The following ANO3 variants were observed in gnomAD, a reference collection of about 807,000 sequenced individuals.
The protein encoded by ANO3 is anoctamin-3.
A neutral mutation model predicts 144.8 loss-of-function variants in ANO3; 99 were observed. The ratio of observed to expected loss-of-function variants is 0.68; its 90% CI spans 0.58 to 0.81. The LOEUF is 0.81. Ranked by LOEUF, ANO3 falls within the 30% of genes least tolerant of loss-of-function variation. ANO3 has a pLI of 0.00. For synonymous variants in ANO3, 414 were observed against 392.6 expected, an observed-to-expected ratio of 1.05 and a Z score of -0.64; for missense variants, 905 against 1,202.2, an observed-to-expected ratio of 0.75 and a Z score of 3.66.
chr11:26,547,721 A>G (rs1467223791), intron 12 of ANO3, among the ~76,000 whole-genome samples, 171 bp downstream of exon 12: 1 of 151,922 alleles, frequency 6.6e-6, no homozygotes, highest in South Asian at 2.1e-4. Context: ...ACACAATTAT[A>G]AAAGGTCATT....
chr11:26,395,099 A>G (rs1432001314), intron 1 of ANO3, among the ~76,000 whole-genome samples: 1 of 152,156 alleles, frequency 6.6e-6, no homozygotes, highest in Non-Finnish European at 1.5e-5. Flanking sequence ...TGTTCAGCCA[A>G]CAATTTCTAA....
Position 26,525,674 on chromosome 11 carries a change from G to A in ANO3, c.732G>A (p.Met244Ile), listed in dbSNP as rs759237031. The A allele has an allele frequency of 2.5e-6, 4 of 1,609,248 alleles. No individual in the cohort carries two copies. Among genetic ancestry groups the A allele is most frequent in the African/African-American group, 1.3e-5 (1 of 74,756 alleles). Residue 244 changes from methionine to isoleucine, a missense_variant, in exon 7 of 27, where the codon ATG becomes ATA. This residue lies in a region of ANO3 where 71 missense variants were observed against 57.9 expected (regional missense o/e 1.23). Transcript: ENST00000256737. ...ACACTGACGGGAGGAGCAAATCAAT[G>A]GGCAGGTTGGTGGGTGATGAATCAT... Reference protein sequence around the residue: ...CYYTDGRSKSMGRMQTYFRRI... With the variant: ...CYYTDGRSKSIGRMQTYFRRI...
chr11:26,383,765 T>C (rs944550022), intron 1 of ANO3, among the ~76,000 whole-genome samples: 5 of 151,586 alleles, frequency 3.3e-5, no homozygotes, highest in Non-Finnish European at 7.4e-5. Context: ...CTTGTTCCAC[T>C]AAAACCGGCA....
upstream of ANO3, among the ~76,000 whole-genome samples, chr11:26,327,981 C>T (rs550321040): frequency 6.6e-6 from 1 of 152,348 alleles, no homozygotes; most frequent in South Asian, 2.1e-4. Context: ...TCTCTTGATG[C>T]TGTCTTCTTA....
intron 4 of ANO3, chr11:26,473,939 T>C (rs1859870254): frequency 1.0e-6 from 1 of 985,014 alleles, no homozygotes. Flanking sequence ...GAGAGTAGGC[T>C]AAAAACCCTC....
chr11:26,561,585 T>G (rs1035477779), intron 14 of ANO3, among the ~76,000 whole-genome samples: 5 of 139,392 alleles, frequency 3.6e-5, no homozygotes, highest in Non-Finnish European at 6.8e-5. Context: ...AATTTGTCAC[T>G]TCTGGTGTAA....
At chr11:26,288,449 G>T (rs1272034425) in intron 1 of ANO3, among the ~76,000 whole-genome samples, 1 of 152,108 alleles carries the variant, frequency 6.6e-6, no homozygotes, top group Admixed American at 6.5e-5. Flanking sequence ...TATAAATCTG[G>T]ACTCTTAAAT....
intron 25 of ANO3, 60 bp downstream of exon 25, chr11:26,656,265 T>G: frequency 6.6e-7 from 1 of 1,515,304 alleles, no homozygotes; most frequent in African/African-American, 1.4e-5. Flanking sequence ...CCCCCCTGCA[T>G]GTTAATGAGG....
At chr11:26,214,741 T>C (rs969880429) in intron 1 of ANO3, among the ~76,000 whole-genome samples, 1 of 151,952 alleles carries the variant, frequency 6.6e-6, no homozygotes, top group African/African-American at 2.4e-5. Flanking sequence ...AATGAACCAA[T>C]ATTGATATAT....
upstream of ANO3, among the ~76,000 whole-genome samples, chr11:26,327,476 G>A (rs117893420): frequency 6.6e-6 from 1 of 152,238 alleles, no homozygotes; most frequent in Non-Finnish European, 1.5e-5. Context: ...GCTCCCTGAA[G>A]GAGTTTTAGG....
At chr11:26,370,813 TG>T (rs1285071798) in intron 1 of ANO3, among the ~76,000 whole-genome samples, 1 of 152,186 alleles carries the variant, frequency 6.6e-6, no homozygotes, top group Admixed American at 6.5e-5. Flanking sequence ...CCTAGAGATC[TG>T]TGAAACTTTT....
At chr11:26,252,188 TACA>T (rs1290906097) in intron 1 of ANO3, among the ~76,000 whole-genome samples, 1 of 152,192 alleles carries the variant, frequency 6.6e-6, no homozygotes, top group African/African-American at 2.4e-5. Context: ...CGTTATTTAA[TACA>T]ACTTTTTTAA....
intron 5 of ANO3, among the ~76,000 whole-genome samples, chr11:26,515,003 A>C (rs1408238122): frequency 6.6e-6 from 1 of 151,968 alleles, no homozygotes. Flanking sequence ...TATTTGAATG[A>C]ATCAATAGTC....
At chr11:26,566,717 G>A (rs1396688841) in intron 14 of ANO3, among the ~76,000 whole-genome samples, 3 of 151,736 alleles carry the variant, frequency 2.0e-5, no homozygotes, top group East Asian at 1.9e-4. Flanking sequence ...ACATCATTCC[G>A]CCTCTTAAGT....
rs528504400 is a variant in ANO3, at chr11:26,572,151, C to A, written c.1447+12372C>A. 2.8e-5 allele frequency: 28 copies of A among 985,312 alleles called. No individual in the cohort carries two copies. The African/African-American group carries it at 4.7e-4, about 17-fold the overall frequency. 61.0% of individuals were successfully genotyped at this position (985,312 alleles called of 1,614,324 possible). On this transcript the variant is annotated intron_variant, in intron 14 of 26. Coordinates refer to ENST00000256737, the MANE Select transcript of ANO3 (RefSeq NM_031418.4). ...ACAGATGGGTTAAGTGTGACAATGTCGCACTGAGCAGGAGGGTGCCAGGGA... is the reference window on the plus strand; with the variant it reads ...ACAGATGGGTTAAGTGTGACAATGTAGCACTGAGCAGGAGGGTGCCAGGGA...
At chr11:26,544,297 C>CACACACACACAT (rs1289018080) in intron 11 of ANO3, among the ~76,000 whole-genome samples, 3 of 89,306 alleles carry the variant, frequency 3.4e-5, no homozygotes, top group Non-Finnish European at 7.5e-5. Context: ...CACACACACA[C>CACACACACACAT]ATATGTATAT....
intron 4 of ANO3, among the ~76,000 whole-genome samples, chr11:26,464,683 TG>T (rs1204857654): frequency 1.3e-5 from 2 of 151,796 alleles, no homozygotes; most frequent in Non-Finnish European, 2.9e-5. Context: ...GATAAGAGAA[TG>T]GTGTATGACT....
chr11:26,285,104 T>G (rs1853774603), intron 1 of ANO3, among the ~76,000 whole-genome samples: 4 of 152,192 alleles, frequency 2.6e-5, no homozygotes, highest in Admixed American at 2.6e-4. Context: ...ACAATTTTTT[T>G]TTTTAATTAT....
chr11:26,264,795 T>C (rs550364016), intron 1 of ANO3, among the ~76,000 whole-genome samples: 27 of 152,270 alleles, frequency 1.8e-4, no homozygotes, highest in African/African-American at 6.3e-4. Flanking sequence ...TCATTTTTTA[T>C]ATAAGACAAT....
Sources: allele counts gnomAD v4.1 joint callset (sites outside exome capture counted in the v4.1 genomes callset), GRCh38; gene constraint gnomAD v4.1.1; regional missense constraint gnomAD v4.1.1; transcripts MANE v1.5; gene names NCBI Gene and HGNC (gene_info 2026-07-23, HGNC 2026-07-21).